PTPRG: variants seen among roughly 807,000 people sequenced by gnomAD.
PTPRG encodes the protein receptor-type tyrosine-protein phosphatase gamma.
In PTPRG, 102 loss-of-function variants were observed where a neutral mutation model predicts 165.3. The observed-to-expected ratio is 0.62, with a 90% CI of 0.53 to 0.73. PTPRG has a LOEUF of 0.73. PTPRG is among the 30% of genes least tolerant of loss of function. PTPRG has a pLI of 0.00. For synonymous variants in PTPRG, 675 were observed against 669.5 expected (o/e 1.01, Z -0.13); for missense variants, 1,866 against 1,861.4 (o/e 1.00, Z -0.05).
intron 4 of PTPRG, among the ~76,000 whole-genome samples, chr3:62,049,814 C>T (rs111927084): frequency 8.5e-5 from 13 of 152,256 alleles, no homozygotes; most frequent in African/African-American, 3.1e-4. Context: ...ACTAAAACTG[C>T]TTGGTTGAAA....
intron 8 of PTPRG, among the ~76,000 whole-genome samples, chr3:62,178,081 G>C (rs1705499065): frequency 6.6e-6 from 1 of 152,010 alleles, no homozygotes; most frequent in Non-Finnish European, 1.5e-5. Flanking sequence ...ATGAAAATGT[G>C]AATCCATGGA....
chr3:62,176,288 G>T (rs574891815), intron 8 of PTPRG, among the ~76,000 whole-genome samples: 11 of 152,244 alleles, frequency 7.2e-5, no homozygotes, highest in South Asian at 4.1e-4. Context: ...AGTGAGAAAT[G>T]GAGTATTATT....
intron 5 of PTPRG, among the ~76,000 whole-genome samples, chr3:62,131,048 T>C (rs974354929): frequency 6.6e-6 from 1 of 152,200 alleles, no homozygotes; most frequent in Admixed American, 6.5e-5. Flanking sequence ...GAATTTACGC[T>C]CTAGACATTA....
At chr3:61,785,679 A>G (rs1352793708) in intron 2 of PTPRG, among the ~76,000 whole-genome samples, 1 of 152,224 alleles carries the variant, frequency 6.6e-6, no homozygotes, top group African/African-American at 2.4e-5. Flanking sequence ...GTCGAATTGA[A>G]AGCATGAGGG....
intron 28 of PTPRG, among the ~76,000 whole-genome samples, chr3:62,285,865 ATACTTAAT>A (rs1702635367): frequency 6.6e-6 from 1 of 152,092 alleles, no homozygotes; most frequent in African/African-American, 2.4e-5. Flanking sequence ...CCCTTTGCAA[ATACTTAAT>A]TACTCACTCT....
intron 2 of PTPRG, among the ~76,000 whole-genome samples, chr3:61,988,121 A>G (rs1318631122): frequency 6.6e-6 from 1 of 152,180 alleles, no homozygotes; most frequent in African/African-American, 2.4e-5. Context: ...GACCTTTGCC[A>G]GTCAGTGAAC....
intron 1 of PTPRG, among the ~76,000 whole-genome samples, chr3:61,631,001 AGCCAAGATTGT>A (rs1466322648): frequency 1.3e-5 from 2 of 152,102 alleles, no homozygotes; most frequent in Non-Finnish European, 2.9e-5. Flanking sequence ...GGTTACAGTG[AGCCAAGATTGT>A]GCGACTGCAC....
chr3:61,646,344 C>G (rs1481544392), intron 1 of PTPRG, among the ~76,000 whole-genome samples: 1 of 152,330 alleles, frequency 6.6e-6, no homozygotes, highest in South Asian at 2.1e-4. Flanking sequence ...CTTCTGAGCT[C>G]AAGTGATAAC....
At chr3:61,799,507 A>G (rs937318489) in intron 2 of PTPRG, among the ~76,000 whole-genome samples, 3 of 152,146 alleles carry the variant, frequency 2.0e-5, no homozygotes, top group East Asian at 1.9e-4. Flanking sequence ...CTTGTTCTTA[A>G]TGACCTTGGC....
intron 4 of PTPRG, among the ~76,000 whole-genome samples, chr3:62,077,367 C>G (rs895233010): frequency 5.3e-5 from 8 of 151,944 alleles, no homozygotes; most frequent in African/African-American, 9.7e-5. Context: ...TGGATTCTCT[C>G]TGATGTGTAA....
chr3:62,051,370 G>A (rs1223463367), intron 4 of PTPRG, among the ~76,000 whole-genome samples: 1 of 152,178 alleles, frequency 6.6e-6, no homozygotes, highest in Non-Finnish European at 1.5e-5. Flanking sequence ...TGCTCTTTCA[G>A]CAAGCCTCCC....
At chr3:61,615,706 G>A (rs1701279833) in intron 1 of PTPRG, among the ~76,000 whole-genome samples, 1 of 152,090 alleles carries the variant, frequency 6.6e-6, no homozygotes, top group South Asian at 2.1e-4. Context: ...TTGGGTTATA[G>A]TCTGTTACCA....
intron 2 of PTPRG, among the ~76,000 whole-genome samples, chr3:61,943,452 C>T (rs867088846): frequency 6.6e-6 from 1 of 152,130 alleles, no homozygotes; most frequent in Non-Finnish European, 1.5e-5. Context: ...AGTAGCCAGG[C>T]CTTTAATCCC....
At chr3:61,625,786 G>A (rs1431149045) in intron 1 of PTPRG, among the ~76,000 whole-genome samples, 1 of 152,156 alleles carries the variant, frequency 6.6e-6, no homozygotes. Context: ...CATAAGCTCA[G>A]TAAGGTGGGA....
At position 62,255,176 on chromosome 3, in the gene PTPRG, C is replaced by T; in HGVS notation, c.2520C>T (p.Leu840=). ...AGTTTGTCAAACACATCGGTGAGCTCTATTCTAATAACCAGCATGGGTTCT... is the reference window on the plus strand; with the variant it reads ...AGTTTGTCAAACACATCGGTGAGCTTTATTCTAATAACCAGCATGGGTTCT... ...VKQFVKHIGE[L]YSNNQHGFSE... Residue 840 remains leucine, a synonymous_variant, in exon 16 of 30, where the codon CTC becomes CTT. Coordinates refer to ENST00000474889, the MANE Select transcript of PTPRG (RefSeq NM_002841.4). The surrounding 1 kb of genome is among the most constrained non-coding windows in gnomAD (Gnocchi z 4.0). 6.2e-7 allele frequency: 1 copy of T among 1,613,310 alleles called. No individual in the cohort carries two copies. The highest frequency in any genetic ancestry group is 8.5e-7 in the Non-Finnish European group (1 of 1,179,600).
chr3:61,813,556 T>C (rs2035658666), intron 2 of PTPRG, among the ~76,000 whole-genome samples: 1 of 141,778 alleles, frequency 7.1e-6, no homozygotes, highest in Non-Finnish European at 1.5e-5. Flanking sequence ...TGTGTGTGTG[T>C]GTGTGTGTGT....
rs1156668692 is a variant in PTPRG, at chr3:61,985,561, G to A, written c.191-4064G>A. ...CTGGGTACCTCATTGTACAGAGGAG[G>A]GGCTGTGAGCCACAGGCAGCTTAAA... On this transcript the variant is annotated intron_variant, in intron 2 of 29. Coordinates refer to ENST00000474889, the MANE Select transcript of PTPRG (RefSeq NM_002841.4). Among the ~76,000 whole-genome samples the A allele has an allele frequency of 2.0e-5, 3 of 152,130 alleles. No homozygotes were observed. The East Asian group carries it at 5.8e-4, about 29-fold the overall frequency.
intron 1 of PTPRG, among the ~76,000 whole-genome samples, chr3:61,632,900 G>A (rs1701807696): frequency 6.6e-6 from 1 of 151,970 alleles, no homozygotes; most frequent in Non-Finnish European, 1.5e-5. Flanking sequence ...TCCAGCTTCT[G>A]TCTTTCTTCC....
At chr3:62,057,303 A>C (rs1293051881) in intron 4 of PTPRG, among the ~76,000 whole-genome samples, 1 of 152,198 alleles carries the variant, frequency 6.6e-6, no homozygotes, top group African/African-American at 2.4e-5. Context: ...ATTCTGACTT[A>C]AGACTTACCC....
Sources: allele counts gnomAD v4.1 joint callset (sites outside exome capture counted in the v4.1 genomes callset), GRCh38; gene constraint gnomAD v4.1.1; non-coding constraint Gnocchi (gnomAD v3.1); transcripts MANE v1.5; gene names NCBI Gene and HGNC (gene_info 2026-07-23, HGNC 2026-07-21).